PUM2: variants seen among roughly 807,000 people sequenced by gnomAD.
PUM2 encodes the protein pumilio homolog 2.
PUM2 carries 57 observed loss-of-function variants against 124.5 expected under a neutral mutation model. The observed-to-expected ratio is 0.46, with a 90% CI of 0.37 to 0.57. The LOEUF is 0.57. Ranked by LOEUF, PUM2 falls within the 20% of genes least tolerant of loss-of-function variation. PUM2 has a pLI of 0.00. For synonymous variants in PUM2, 460 were observed against 446.1 expected, an observed-to-expected ratio of 1.03 and a Z score of -0.39; for missense variants, 1,065 against 1,290.6, an observed-to-expected ratio of 0.83 and a Z score of 2.68.
At chr2:20,310,425 T>C (rs1679346810) in intron 5 of PUM2, among the ~76,000 whole-genome samples, 1 of 152,074 alleles carries the variant, frequency 6.6e-6, no homozygotes, top group Admixed American at 6.5e-5. Flanking sequence ...GTTAATGGTG[T>C]ATTAACACTT....
chr2:20,256,191 T>C, intron 16 of PUM2, 21 bp from the exon 17 acceptor site: 3 of 1,565,880 alleles, frequency 1.9e-6, no homozygotes, highest in Non-Finnish European at 2.6e-6. Context: ...CAGGATGTCA[T>C]TTAAATTATT....
intron 13 of PUM2, among the ~76,000 whole-genome samples, chr2:20,263,840 T>C (rs976706824): frequency 1.3e-5 from 2 of 152,142 alleles, no homozygotes; most frequent in Admixed American, 6.6e-5. Flanking sequence ...GCCACTGAAA[T>C]AGACTGAAAT....
intron 1 of PUM2, among the ~76,000 whole-genome samples, chr2:20,346,535 TTCTC>T (rs2149147009): frequency 6.6e-6 from 1 of 152,300 alleles, no homozygotes; most frequent in South Asian, 2.1e-4. Context: ...AATTGCATCT[TTCTC>T]TCACTGATCT....
At chr2:20,303,015 C>A (rs942646248) in intron 7 of PUM2, among the ~76,000 whole-genome samples, 1 of 152,118 alleles carries the variant, frequency 6.6e-6, no homozygotes, top group African/African-American at 2.4e-5. Context: ...TGAGGACTTC[C>A]CAGGCCTCCC....
intron 3 of PUM2, among the ~76,000 whole-genome samples, chr2:20,318,139 T>C (rs1347862881): frequency 6.6e-6 from 1 of 152,188 alleles, no homozygotes; most frequent in Non-Finnish European, 1.5e-5. Context: ...CTGAACTAAT[T>C]TACATTTCCA....
chr2:20,321,560 C>T (rs558048829), intron 2 of PUM2, among the ~76,000 whole-genome samples: 1 of 152,110 alleles, frequency 6.6e-6, no homozygotes, highest in African/African-American at 2.4e-5. Context: ...GATCTACTAG[C>T]TGGTGACTAA....
At chr2:20,272,198 T>A (rs1405512367) in intron 13 of PUM2, among the ~76,000 whole-genome samples, 2 of 152,060 alleles carry the variant, frequency 1.3e-5, no homozygotes, top group African/African-American at 2.4e-5. Flanking sequence ...AATAAATAAA[T>A]AAATAAATAG....
intron 13 of PUM2, among the ~76,000 whole-genome samples, chr2:20,268,540 C>T (rs1420320430): frequency 1.3e-5 from 2 of 152,156 alleles, no homozygotes; most frequent in African/African-American, 4.8e-5. Flanking sequence ...ATTGCTTGAA[C>T]CCAGGAGGCG....
At chr2:20,338,167 C>T (rs1686508260) in intron 1 of PUM2, among the ~76,000 whole-genome samples, 1 of 152,142 alleles carries the variant, frequency 6.6e-6, no homozygotes, top group Non-Finnish European at 1.5e-5. Context: ...GAGGCTGAGG[C>T]AGGTGGATCA....
At chr2:20,321,508 T>G (rs1682358544) in intron 2 of PUM2, among the ~76,000 whole-genome samples, 1 of 152,154 alleles carries the variant, frequency 6.6e-6, no homozygotes. Context: ...CTAAAAACTA[T>G]TTGCTCTGAC....
upstream of PUM2, among the ~76,000 whole-genome samples, chr2:20,351,154 CCTTCTGAAT>C (rs1689303558): frequency 6.6e-6 from 1 of 152,166 alleles, no homozygotes; most frequent in Admixed American, 6.5e-5. Flanking sequence ...TGGGGCCTCG[CCTTCTGAAT>C]CTTCTTACCC....
chr2:20,327,378 C>T lies in PUM2; in HGVS notation c.-18G>A. 1 of 1,551,908 alleles carries T rather than the reference C, an allele frequency of 6.4e-7. No homozygotes were observed. The highest frequency in any genetic ancestry group is 8.8e-7 in the Non-Finnish European group (1 of 1,136,666). ...TGATTCATTTCATCCACAGATCAAACCTGTTGAATAACAAAAACAAAAATT... is the reference window on the plus strand; with the variant it reads ...TGATTCATTTCATCCACAGATCAAATCTGTTGAATAACAAAAACAAAAATT... On this transcript the variant is annotated splice_region_variant and 5_prime_UTR_variant, in exon 2 of 21. Transcript: ENST00000361078.
At chr2:20,273,582 C>CA (rs1669519590) in intron 13 of PUM2, among the ~76,000 whole-genome samples, 1 of 152,184 alleles carries the variant, frequency 6.6e-6, no homozygotes, top group Non-Finnish European at 1.5e-5. Context: ...CCAAACATCA[C>CA]AAATTCTTCC....
intron 14 of PUM2, among the ~76,000 whole-genome samples, chr2:20,261,848 A>G (rs1025782201): frequency 6.6e-6 from 1 of 152,306 alleles, no homozygotes; most frequent in Middle Eastern, 3.4e-3. Flanking sequence ...TGTTATTACA[A>G]GTCAGTAAGT....
rs1664662882 is a variant in PUM2, at chr2:20,255,937, C to A, written c.2622+96G>T. On this transcript the variant is annotated intron_variant, in intron 17 of 20. Transcript: ENST00000361078. ...TGTATCCTATTTTTGTATACAATTG[C>A]TGGGTATTATCTAGTGACTCATGAA... The A allele has an allele frequency of 1.3e-5, 16 of 1,218,454 alleles. No individual in the cohort carries two copies. The South Asian group carries it at 3.0e-4, about 23-fold the overall frequency. The allele number at this position is 1,218,454 out of a possible 1,614,324, so 75.5% of individuals were successfully genotyped here.
intron 2 of PUM2, among the ~76,000 whole-genome samples, chr2:20,322,007 C>T (rs1175863930): frequency 2.0e-5 from 3 of 152,096 alleles, no homozygotes; most frequent in Non-Finnish European, 2.9e-5. Context: ...TAAACTCCCA[C>T]TCAGGCATTT....
chr2:20,312,996 A>G (rs1173767968), intron 3 of PUM2, among the ~76,000 whole-genome samples: 1 of 152,232 alleles, frequency 6.6e-6, no homozygotes, highest in African/African-American at 2.4e-5. Context: ...GATGCTGGGA[A>G]AACTGGCTAG....
chr2:20,252,766 A>C (rs1445271326), intron 20 of PUM2, among the ~76,000 whole-genome samples: 2 of 152,232 alleles, frequency 1.3e-5, no homozygotes, highest in Non-Finnish European at 2.9e-5. Context: ...AATTCTACTT[A>C]GAAAAATGTA....
intron 15 of PUM2, among the ~76,000 whole-genome samples, chr2:20,260,055 T>C (rs1033150935): frequency 6.6e-6 from 1 of 152,256 alleles, no homozygotes; most frequent in Non-Finnish European, 1.5e-5. Context: ...CATCTTTTCA[T>C]GGCCTATGTG....
Sources: gnomAD v4.1 joint callset for allele counts (sites outside exome capture counted in the v4.1 genomes callset) on GRCh38, gnomAD v4.1.1 for gene constraint, MANE v1.5 for transcripts, NCBI Gene and HGNC (gene_info 2026-07-23, HGNC 2026-07-21) for gene names.